Variants in KIT observed in about 807,000 individuals in gnomAD.
KIT encodes mast/stem cell growth factor receptor Kit.
Under a neutral mutation model 105.7 loss-of-function variants are expected in KIT, and 16 were observed. The ratio of observed to expected loss-of-function variants is 0.15; its 90% CI spans 0.10 to 0.23. The LOEUF (loss-of-function observed/expected upper bound fraction) is 0.23. KIT is among the 10% of genes least tolerant of loss of function. The pLI, the probability that KIT is intolerant of heterozygous loss-of-function variation, is 1.00. For synonymous variants in KIT, 438 were observed against 441.1 expected, an observed-to-expected ratio of 0.99 and a Z score of 0.09; for missense variants, 858 against 1,213.8, an observed-to-expected ratio of 0.71 and a Z score of 4.36.
chr4:54,695,409 T>A (rs1265766788), intron 1 of KIT, 103 bp from the exon 2 acceptor site: 1 of 1,235,114 alleles, frequency 8.1e-7, no homozygotes, highest in East Asian at 2.4e-5. Flanking sequence ...TTGTCCTATT[T>A]TTATTGTAGA....
intron 20 of KIT, 37 bp downstream of exon 20, chr4:54,737,317 T>C (rs768796918): frequency 7.4e-6 from 10 of 1,357,480 alleles, no homozygotes; most frequent in Admixed American, 3.3e-5. Context: ...ATCCCCCTTC[T>C]CCCAGTTCCA....
At chr4:54,699,531 A>T in intron 3 of KIT, 99 bp from the exon 4 acceptor site, 2 of 1,342,934 alleles carry the variant, frequency 1.5e-6, no homozygotes, top group African/African-American at 1.4e-5. Flanking sequence ...TATTTAAAAG[A>T]TGACAAAGTA....
intron 3 of KIT, among the ~76,000 whole-genome samples, chr4:54,699,275 G>T (rs1173005231): frequency 6.6e-6 from 1 of 152,184 alleles, no homozygotes; most frequent in Non-Finnish European, 1.5e-5. Flanking sequence ...TTGCTTAAAA[G>T]AATATAAGTA....
chr4:54,699,676 T>G lies in KIT; in HGVS notation c.666T>G (p.Leu222=). The G allele has an allele frequency of 6.2e-7, 1 of 1,614,012 alleles. No individual in the cohort carries two copies. Among genetic ancestry groups the G allele is most frequent in the East Asian group, 2.2e-5 (1 of 44,880 alleles). Reference sequence around the variant, plus strand: ...TGTCTGTGTCCAAAGCAAGCTATCTTCTTAGGGAAGGGGAAGAATTCACAG... The same window carrying G: ...TGTCTGTGTCCAAAGCAAGCTATCTGCTTAGGGAAGGGGAAGAATTCACAG... ...PVVSVSKASY[L]LREGEEFTVT... Residue 222 remains leucine (L), a synonymous_variant, in exon 4 of 21, where the codon CTT becomes CTG. Coordinates refer to ENST00000288135, the MANE Select transcript of KIT (RefSeq NM_000222.3).
intron 1 of KIT, among the ~76,000 whole-genome samples, chr4:54,684,612 C>T (rs754204653): frequency 7.9e-5 from 12 of 152,184 alleles, no homozygotes; most frequent in Non-Finnish European, 1.6e-4. Context: ...CCCCCACACT[C>T]ACTGACTCCG....
At chr4:54,711,710 T>C (rs544229183) in intron 7 of KIT, among the ~76,000 whole-genome samples, 2 of 63,434 alleles carry the variant, frequency 3.2e-5, no homozygotes, top group Non-Finnish European at 5.3e-5. Context: ...TAACCTGAGG[T>C]TGGGAGTTCG....
intron 1 of KIT, among the ~76,000 whole-genome samples, chr4:54,664,006 G>A (rs1717495057): frequency 6.6e-6 from 1 of 152,122 alleles, no homozygotes; most frequent in South Asian, 2.1e-4. Context: ...CTGATTCGAA[G>A]TAGAATTTGG....
chr4:54,723,449 A>AT, intron 7 of KIT, 135 bp from the exon 8 acceptor site: 1 of 702,516 alleles, frequency 1.4e-6, no homozygotes, highest in Admixed American at 2.0e-5. Context: ...CTTGGTTCAG[A>AT]TTCTGCCCTT....
chr4:54,717,928 G>T (rs939141975), intron 7 of KIT, among the ~76,000 whole-genome samples: 5 of 152,048 alleles, frequency 3.3e-5, no homozygotes, highest in Admixed American at 2.0e-4. Flanking sequence ...TACAGCAATG[G>T]TGCTCCTGTA....
In KIT at chr4:54,666,338, G is replaced by T. The variant is rs562494178; in HGVS notation, c.67+8257G>T. On this transcript the variant is annotated intron_variant, in intron 1 of 20. Coordinates refer to ENST00000288135, the MANE Select transcript of KIT (RefSeq NM_000222.3). ...CTCTGTCGCCAGGCTGGAGTGCAGT[G>T]GTGTGATCTCCGCTCACTGCAGCCT... Among the ~76,000 whole-genome samples the T allele has an allele frequency of 1.2e-3, 179 of 152,222 alleles. 1 individual carries two copies. The highest frequency in any genetic ancestry group is 2.2e-3 in the Non-Finnish European group (147 of 68,014).
chr4:54,710,657 C>CCA (rs1721096418), intron 7 of KIT, among the ~76,000 whole-genome samples: 1 of 152,066 alleles, frequency 6.6e-6, no homozygotes, highest in East Asian at 1.9e-4. Flanking sequence ...GATTCTCCTG[C>CCA]CACAGCCTCT....
At chr4:54,677,860 A>G (rs1560380816) in intron 1 of KIT, among the ~76,000 whole-genome samples, 1 of 152,258 alleles carries the variant, frequency 6.6e-6, no homozygotes, top group Non-Finnish European at 1.5e-5. Context: ...TTATAAAAAT[A>G]CATATATTGA....
Position 54,739,920 on chromosome 4 carries a change from C to G in KIT, c.*1363C>G, listed in dbSNP as rs1723146666. 1 of 233,364 alleles carries G rather than the reference C, an allele frequency of 4.3e-6. No homozygotes were observed. Among genetic ancestry groups the G allele is most frequent in the Non-Finnish European group, 8.5e-6 (1 of 117,928 alleles). The allele number at this position is 233,364 out of a possible 1,614,324, so 14.5% of individuals were successfully genotyped here. ...TGTTATTTAGACTCATCTTACTGTA[C>G]CTGTTCCTTAGACCTTCCATAATGC... On this transcript the variant is annotated 3_prime_UTR_variant, in exon 21 of 21. Coordinates refer to ENST00000288135, the MANE Select transcript of KIT (RefSeq NM_000222.3).
Position 54,697,456 on chromosome 4 carries a change from C to T in KIT, c.338-828C>T, listed in dbSNP as rs193137927. Among the ~76,000 whole-genome samples the T allele has an allele frequency of 4.3e-4, 66 of 152,230 alleles. 1 individual carries two copies. In the East Asian group the frequency reaches 8.9e-3, roughly 20 times the overall value. The stretch of plus-strand genomic sequence containing the variant: ...AGAGAGTGGCAGCATATTGTGTATA[C>T]GAAATTAGGTTTGTCTGGCTTCTAT... On this transcript the variant is annotated intron_variant, in intron 2 of 20. Transcript: ENST00000288135.
In KIT at chr4:54,733,056, C is replaced by T. The variant is rs749814033; in HGVS notation, c.2362-14C>T. Reference sequence around the variant, plus strand: ...TGAATTTAAATGGTTTTCTTTTCTCCTCCAACCTAATAGTGTATTCACAGA... The same window carrying T: ...TGAATTTAAATGGTTTTCTTTTCTCTTCCAACCTAATAGTGTATTCACAGA... On this transcript the variant is annotated splice_polypyrimidine_tract_variant and intron_variant, in intron 16 of 20. Transcript: ENST00000288135. 7.3e-5 allele frequency: 118 copies of T among 1,608,776 alleles called. No individual in the cohort carries two copies. Among genetic ancestry groups the T allele is most frequent in the Admixed American group, 1.3e-4 (8 of 59,924 alleles).
chr4:54,713,572 G>A (rs948793647), intron 7 of KIT, among the ~76,000 whole-genome samples: 1 of 152,160 alleles, frequency 6.6e-6, no homozygotes, highest in Non-Finnish European at 1.5e-5. Flanking sequence ...GTGTTTGTTA[G>A]TGCAGAAATT....
At chr4:54,666,730 C>G (rs1178788067) in intron 1 of KIT, among the ~76,000 whole-genome samples, 1 of 152,212 alleles carries the variant, frequency 6.6e-6, no homozygotes, top group Non-Finnish European at 1.5e-5. Flanking sequence ...TTTGATGGCC[C>G]TTTAAGGGCC....
chr4:54,718,091 T>TTTTTGTTTTG (rs953523765), intron 7 of KIT, among the ~76,000 whole-genome samples: 24 of 152,132 alleles, frequency 1.6e-4, no homozygotes, highest in African/African-American at 5.3e-4. Context: ...CTGTAGCCTG[T>TTTTTGTTTTG]TTTTGTTTTG....
At chr4:54,702,320 AGT>A (rs1452788073) in intron 4 of KIT, among the ~76,000 whole-genome samples, 1 of 152,124 alleles carries the variant, frequency 6.6e-6, no homozygotes, top group Non-Finnish European at 1.5e-5. Context: ...TATTTGACTC[AGT>A]GTGTCTAAAA....
Sources: allele counts gnomAD v4.1 joint callset (sites outside exome capture counted in the v4.1 genomes callset), GRCh38; gene constraint gnomAD v4.1.1; transcripts MANE v1.5; gene names NCBI Gene and HGNC (gene_info 2026-07-23, HGNC 2026-07-21).